KIR3DL2: variants seen among roughly 807,000 people sequenced by gnomAD.
KIR3DL2 encodes killer cell immunoglobulin-like receptor 3DL2.
Under a neutral mutation model 41.6 loss-of-function variants are expected in KIR3DL2, and 42 were observed. The ratio of observed to expected loss-of-function variants is 1.01; its 90% CI spans 0.79 to 1.31. KIR3DL2 has a LOEUF of 1.31. KIR3DL2 is among the 50% of genes most tolerant of loss of function. The pLI, the probability that KIR3DL2 is intolerant of heterozygous loss-of-function variation, is 0.00. For missense variants in KIR3DL2, 728 were observed against 576.8 expected (o/e 1.26, Z -2.68); for synonymous variants, 230 against 221.3 (o/e 1.04, Z -0.35).
At position 54,855,801 on chromosome 19, in the gene KIR3DL2, T is replaced by C; in HGVS notation, c.838T>C (p.Phe280Leu). 1 of 1,613,430 alleles carries C rather than the reference T, an allele frequency of 6.2e-7. No individual in the cohort carries two copies. Among genetic ancestry groups the C allele is most frequent in the Admixed American group, 1.7e-5 (1 of 59,998 alleles). Residue 280 changes from phenylalanine (F) to leucine (L), a missense_variant, in exon 5 of 9, where the codon TTT (phenylalanine) becomes CTT (leucine). By Grantham distance (22) the Phe-to-Leu change is conservative. Transcript: ENST00000326321. ...PKVNRTFQAD[F>L]PLGPATHGGT... Reference sequence around the variant, plus strand: ...GGTCAACAGAACATTCCAGGCAGACTTTCCTCTGGGCCCTGCCACCCACGG... The same window carrying C: ...GGTCAACAGAACATTCCAGGCAGACCTTCCTCTGGGCCCTGCCACCCACGG...
chr19:54,862,981 A>C (rs2065282287), intron 6 of KIR3DL2, among the ~76,000 whole-genome samples: 1 of 142,094 alleles, frequency 7.0e-6, no homozygotes, highest in African/African-American at 2.6e-5. Flanking sequence ...CATTAGGTAT[A>C]TCTCCTAATG....
intron 2 of KIR3DL2, 73 bp downstream of exon 2, chr19:54,851,328 C>T: frequency 6.6e-7 from 1 of 1,522,110 alleles, no homozygotes; most frequent in South Asian, 1.1e-5. Context: ...GAGGGAAGTC[C>T]TGTCGGGGAG....
At chr19:54,862,802 CTTT>C (rs1210198153) in intron 6 of KIR3DL2, among the ~76,000 whole-genome samples, 18,935 of 79,558 alleles carry the variant, frequency 0.24, 843 homozygotes, top group South Asian at 0.32. Flanking sequence ...TGGGTTACTT[CTTT>C]TTTTTTTTTT....
intron 1 of KIR3DL2, among the ~76,000 whole-genome samples, chr19:54,850,740 GA>G (rs2064133434): frequency 7.4e-6 from 1 of 134,638 alleles, no homozygotes; most frequent in East Asian, 2.2e-4. Flanking sequence ...TACGGGCCTG[GA>G]GTGGAGATAT....
chr19:54,852,357 A>G (rs1569520202), intron 3 of KIR3DL2, 75 bp downstream of exon 3: 7 of 1,568,254 alleles, frequency 4.5e-6, no homozygotes, highest in South Asian at 1.1e-5. Context: ...GGTGTCCATC[A>G]GGGTCCCATC....
At chr19:54,851,068 G>A (rs1000058870) in intron 1 of KIR3DL2, 152 bp from the exon 2 acceptor site, 2 of 986,310 alleles carry the variant, frequency 2.0e-6, no homozygotes, top group Admixed American at 1.8e-5. Flanking sequence ...CTCCACAGCT[G>A]AGAGCCCTGT....
chr19:54,855,936 C>A (rs753941046), intron 5 of KIR3DL2, 24 bp downstream of exon 5: 2 of 1,612,342 alleles, frequency 1.2e-6, no homozygotes, highest in East Asian at 4.5e-5. Context: ...GTGTCTGTCC[C>A]ATGTCTTATG....
At chr19:54,854,514 C>T (rs929979622) in intron 4 of KIR3DL2, among the ~76,000 whole-genome samples, 18 of 151,902 alleles carry the variant, frequency 1.2e-4, no homozygotes, top group Admixed American at 1.0e-3. Flanking sequence ...CTCTGCCTTC[C>T]ATGCAGTGGA....
In KIR3DL2 at chr19:54,853,843, A is replaced by T. The variant is rs1472651341; in HGVS notation, c.452A>T (p.Glu151Val). The T allele has an allele frequency of 6.2e-7, 1 of 1,613,114 alleles. No individual in the cohort carries two copies. The highest frequency in any genetic ancestry group is 8.5e-7 in the Non-Finnish European group (1 of 1,179,738). ...CAATGTTGGTCAGATGTCATGTTTG[A>T]GCACTTCTTTCTGCACAGAGAGGGG... ...ILQCWSDVMF[E>V]HFFLHREGIS... The change falls in exon 4 of 9, where the codon GAG becomes GTG. Residue 151 changes from glutamate (E) to valine (V), a missense_variant. Glu to Val is a moderately radical substitution (Grantham distance 121). Coordinates refer to ENST00000326321, the MANE Select transcript of KIR3DL2 (RefSeq NM_006737.4).
At chr19:54,861,082 T>C (rs1178868218) in intron 6 of KIR3DL2, among the ~76,000 whole-genome samples, 25 of 147,946 alleles carry the variant, frequency 1.7e-4, no homozygotes, top group Non-Finnish European at 1.3e-4. Context: ...ATAACTGGAA[T>C]CTAGGAGACC....
intron 6 of KIR3DL2, among the ~76,000 whole-genome samples, chr19:54,864,534 G>A (rs2065377819): frequency 6.6e-6 from 1 of 151,888 alleles, no homozygotes; most frequent in Non-Finnish European, 1.5e-5. Context: ...TTATTTCATT[G>A]AGCAGTGGTT....
intron 6 of KIR3DL2, among the ~76,000 whole-genome samples, chr19:54,863,900 CT>C (rs1175436682): frequency 2.0e-5 from 3 of 152,014 alleles, no homozygotes; most frequent in African/African-American, 7.2e-5. Context: ...GTTGCCGTTG[CT>C]TTTGGTGTTT....
intron 4 of KIR3DL2, among the ~76,000 whole-genome samples, chr19:54,854,414 G>T (rs2064565655): frequency 6.6e-6 from 1 of 151,806 alleles, no homozygotes; most frequent in Non-Finnish European, 1.5e-5. Flanking sequence ...TCTACGAGGA[G>T]AACCCAAGGA....
rs773539528 is a variant in KIR3DL2, at chr19:54,866,419, G to T, written c.1155G>T (p.Arg385Ser). The change falls in exon 8 of 9, where the codon AGG becomes AGT. Residue 385 changes from arginine to serine, a missense_variant. Arg to Ser is a moderately radical substitution (Grantham distance 110). Transcript: ENST00000326321. Reference protein sequence around the residue: ...QEPAGDRTVNRQDSDEQDPQE... With the variant: ...QEPAGDRTVNSQDSDEQDPQE... ...CTGCGGGGGACAGAACAGTGAATAG[G>T]CAGGTAGGTCCTCCTCGGCCCAGCC... is the stretch of plus-strand genomic sequence containing the variant. The T allele has an allele frequency of 6.2e-6, 10 of 1,613,960 alleles. No individual in the cohort carries two copies. In the South Asian group the frequency reaches 9.9e-5, roughly 16 times the overall value.
chr19:54,860,391 G>A (rs1184684752), intron 6 of KIR3DL2, among the ~76,000 whole-genome samples: 1 of 152,030 alleles, frequency 6.6e-6, no homozygotes, highest in African/African-American at 2.4e-5. Flanking sequence ...TGTTTATTGA[G>A]ACGGAGCCTT....
intron 4 of KIR3DL2, 106 bp from the exon 5 acceptor site, chr19:54,855,513 A>AGAGAGC: frequency 6.8e-7 from 1 of 1,462,456 alleles, no homozygotes; most frequent in East Asian, 2.3e-5. Context: ...TGAGAGAGAG[A>AGAGAGC]GAGAGCATTA....
intron 6 of KIR3DL2, among the ~76,000 whole-genome samples, chr19:54,862,740 A>G (rs1397116670): frequency 6.7e-6 from 1 of 149,402 alleles, no homozygotes; most frequent in Admixed American, 6.6e-5. Context: ...TCCTGATCTC[A>G]GGACGTTGCT....
At position 54,851,268 on chromosome 19, in the gene KIR3DL2, C is replaced by A. The variant is rs1430519524; in HGVS notation, c.70+13C>A. Reference sequence around the variant, plus strand: ...TGGCCACTCATGGGTGAGTCCGTCCCCAAACCTTAGGGTGTCATCTCCCCA... The same window carrying A: ...TGGCCACTCATGGGTGAGTCCGTCCACAAACCTTAGGGTGTCATCTCCCCA... On this transcript the variant is annotated intron_variant, in intron 2 of 8. Coordinates refer to ENST00000326321, the MANE Select transcript of KIR3DL2 (RefSeq NM_006737.4). The A allele has an allele frequency of 6.9e-6, 11 of 1,604,964 alleles. No homozygotes were observed. The East Asian group carries it at 2.5e-4, about 36-fold the overall frequency.
At chr19:54,851,324 A>G in intron 2 of KIR3DL2, 69 bp downstream of exon 2, 1 of 1,527,770 alleles carries the variant, frequency 6.5e-7, no homozygotes, top group Admixed American at 1.7e-5. Context: ...ACAGGAGGGA[A>G]GTCCTGTCGG....
Sources: allele counts gnomAD v4.1 joint callset (sites outside exome capture counted in the v4.1 genomes callset), GRCh38; gene constraint gnomAD v4.1.1; transcripts MANE v1.5; gene names NCBI Gene and HGNC (gene_info 2026-07-23, HGNC 2026-07-21).